The following DIS3L2 variants were observed in gnomAD, a reference collection of about 807,000 sequenced individuals.
The protein encoded by DIS3L2 is DIS3-like exonuclease 2.
Under a neutral mutation model 97.5 loss-of-function variants are expected in DIS3L2, and 34 were observed. That is an observed-to-expected ratio of 0.35 (90% CI 0.27 to 0.46). The LOEUF (loss-of-function observed/expected upper bound fraction) is 0.46, where lower values mean the gene tolerates loss of function less well. Ranked by LOEUF, DIS3L2 falls within the 20% of genes least tolerant of loss-of-function variation. The probability of loss-of-function intolerance (pLI) is 1.00; values close to 1 mark genes in which losing one functional copy is unlikely to be tolerated. For synonymous variants in DIS3L2, 435 were observed against 445.2 expected (o/e 0.98, Z 0.29); for missense variants, 1,038 against 1,146.0 (o/e 0.91, Z 1.36).
chr2:232,304,716 G>T (rs1694944975), intron 14 of DIS3L2, among the ~76,000 whole-genome samples: 1 of 152,204 alleles, frequency 6.6e-6, no homozygotes, highest in Non-Finnish European at 1.5e-5. Context: ...GAGTGAGTGT[G>T]TGTGTCTTTT....
chr2:232,228,831 A>AATTC (rs1692715635), intron 10 of DIS3L2, among the ~76,000 whole-genome samples: 1 of 152,200 alleles, frequency 6.6e-6, no homozygotes. Flanking sequence ...CAAAAAGAAA[A>AATTC]ATTCAAAATC....
intron 9 of DIS3L2, among the ~76,000 whole-genome samples, chr2:232,187,147 TA>T (rs1290552698): frequency 6.6e-6 from 1 of 151,692 alleles, no homozygotes; most frequent in South Asian, 2.1e-4. Flanking sequence ...ACTAAGCATA[TA>T]AAAAAAAGCT....
At chr2:232,022,624 G>A (rs2106230733) in intron 3 of DIS3L2, among the ~76,000 whole-genome samples, 1 of 152,240 alleles carries the variant, frequency 6.6e-6, no homozygotes, top group African/African-American at 2.4e-5. Flanking sequence ...ATCAGAAAAT[G>A]AAATTGTTAG....
At chr2:232,319,058 C>T (rs556731278) in intron 14 of DIS3L2, among the ~76,000 whole-genome samples, 6 of 152,318 alleles carry the variant, frequency 3.9e-5, no homozygotes. Flanking sequence ...CCATACCCAG[C>T]AGGGAGGTGT....
chr2:232,082,473 A>T (rs13391812), intron 5 of DIS3L2, among the ~76,000 whole-genome samples: 15,019 of 151,894 alleles, frequency 0.099, 1,584 homozygotes, highest in African/African-American at 0.27. Context: ...AGGAGCATGA[A>T]CTCTACTATG....
At chr2:232,123,221 A>G (rs1332030064) in intron 6 of DIS3L2, among the ~76,000 whole-genome samples, 1 of 152,078 alleles carries the variant, frequency 6.6e-6, no homozygotes, top group Non-Finnish European at 1.5e-5. Context: ...ATCTCCTTGG[A>G]TGAACCCTGG....
chr2:232,338,160 C>CA (rs1696025620), downstream of DIS3L2, among the ~76,000 whole-genome samples: 1 of 152,068 alleles, frequency 6.6e-6, no homozygotes, highest in Non-Finnish European at 1.5e-5. Context: ...CAGGAAGGAC[C>CA]AGGGCCCTTC....
chr2:232,212,695 A>G (rs949671349), intron 10 of DIS3L2, among the ~76,000 whole-genome samples: 1 of 152,242 alleles, frequency 6.6e-6, no homozygotes, highest in Non-Finnish European at 1.5e-5. Flanking sequence ...AAAATAATTT[A>G]GCATTGCAAG....
At chr2:232,147,262 T>C (rs1690243739) in intron 8 of DIS3L2, among the ~76,000 whole-genome samples, 2 of 152,150 alleles carry the variant, frequency 1.3e-5, no homozygotes, top group Non-Finnish European at 1.5e-5. Flanking sequence ...TGAGCTAGCA[T>C]GTCCGGCCCA....
At chr2:232,255,347 G>C (rs1693531367) in intron 12 of DIS3L2, among the ~76,000 whole-genome samples, 1 of 152,228 alleles carries the variant, frequency 6.6e-6, no homozygotes, top group African/African-American at 2.4e-5. Context: ...TGCCACAGCT[G>C]CTGCGTAGCC....
chr2:232,116,456 G>A (rs1352259007), intron 6 of DIS3L2, among the ~76,000 whole-genome samples: 1 of 152,094 alleles, frequency 6.6e-6, no homozygotes, highest in Non-Finnish European at 1.5e-5. Context: ...AATTATCCTT[G>A]CCTACAAGTT....
At chr2:231,992,441 T>G (rs1574793160) in intron 1 of DIS3L2, among the ~76,000 whole-genome samples, 1 of 152,126 alleles carries the variant, frequency 6.6e-6, no homozygotes, top group Non-Finnish European at 1.5e-5. Flanking sequence ...CTTCCATGCT[T>G]TCTGTGTTTT....
intron 1 of DIS3L2, among the ~76,000 whole-genome samples, chr2:232,009,371 T>C (rs1193155428): frequency 6.6e-6 from 1 of 152,230 alleles, no homozygotes; most frequent in Non-Finnish European, 1.5e-5. Flanking sequence ...TTTGTTTGTT[T>C]AGTGACTTGG....
intron 6 of DIS3L2, among the ~76,000 whole-genome samples, chr2:232,129,803 A>G (rs1024267907): frequency 1.3e-5 from 2 of 152,350 alleles, no homozygotes; most frequent in Middle Eastern, 3.4e-3. Context: ...GCTCCCACGT[A>G]AATTGGTTGT....
chr2:232,035,211 T>G (rs138086513), intron 5 of DIS3L2, among the ~76,000 whole-genome samples: 2,223 of 152,252 alleles, frequency 0.015, 23 homozygotes, highest in Non-Finnish European at 0.021. Context: ...ATTTAGGATA[T>G]TTAGCTCTTC....
chr2:232,081,047 G>C (rs1054141689), intron 5 of DIS3L2, among the ~76,000 whole-genome samples: 1 of 152,206 alleles, frequency 6.6e-6, no homozygotes, highest in Admixed American at 6.5e-5. Context: ...GCAAAACTGG[G>C]TTATTTGTTC....
chr2:232,318,699 A>C (rs1401496698), intron 14 of DIS3L2, among the ~76,000 whole-genome samples: 2 of 151,882 alleles, frequency 1.3e-5, no homozygotes, highest in African/African-American at 4.8e-5. Context: ...GCCCCAACCC[A>C]CCCCAGGGGA....
chr2:232,266,780 A>C (rs555908171), intron 13 of DIS3L2, among the ~76,000 whole-genome samples: 2 of 152,136 alleles, frequency 1.3e-5, no homozygotes, highest in Admixed American at 6.5e-5. Flanking sequence ...TCAGACCACT[A>C]TGTCCGTGCT....
intron 8 of DIS3L2, among the ~76,000 whole-genome samples, chr2:232,158,306 C>CATGTGT (rs368545845): frequency 0.11 from 17,149 of 150,492 alleles, 1,423 homozygotes; most frequent in African/African-American, 0.23. Flanking sequence ...TCCTTTATAT[C>CATGTGT]GTGTGTGTGT....
Sources: allele counts gnomAD v4.1 joint callset (sites outside exome capture counted in the v4.1 genomes callset), GRCh38; gene constraint gnomAD v4.1.1; transcripts MANE v1.5; gene names NCBI Gene and HGNC (gene_info 2026-07-23, HGNC 2026-07-21).